Variants in RNF13 observed in about 807,000 individuals in gnomAD.
RNF13 encodes the protein ring finger protein 13.
RNF13 carries 19 observed loss-of-function variants against 37.7 expected under a neutral mutation model. The ratio of observed to expected loss-of-function variants is 0.50; its 90% CI spans 0.35 to 0.74. The LOEUF (loss-of-function observed/expected upper bound fraction) is 0.74, where lower values mean the gene tolerates loss of function less well. Among genes scored for constraint, RNF13 ranks in the 30% least tolerant of loss-of-function variants. The pLI is 0.01. For synonymous variants in RNF13, 144 were observed against 157.8 expected (o/e 0.91, Z 0.65); for missense variants, 375 against 453.0 (o/e 0.83, Z 1.56).
chr3:149,911,883 A>G (rs1039820328), intron 6 of RNF13, 95 bp from the exon 7 acceptor site: 6 of 716,014 alleles, frequency 8.4e-6, no homozygotes, highest in Non-Finnish European at 1.3e-5. Flanking sequence ...TAATGTCTAT[A>G]TGTCTGTTTT....
intron 5 of RNF13, among the ~76,000 whole-genome samples, chr3:149,896,005 A>C (rs776784352): frequency 3.3e-5 from 5 of 152,086 alleles, no homozygotes; most frequent in African/African-American, 9.7e-5. Context: ...ATACATTGGT[A>C]TGTTCATAGT....
intron 4 of RNF13, among the ~76,000 whole-genome samples, chr3:149,894,428 A>G (rs764247826): frequency 6.6e-6 from 1 of 152,184 alleles, no homozygotes; most frequent in African/African-American, 2.4e-5. Flanking sequence ...GCCCTTTGGA[A>G]CATGACTCAG....
chr3:149,850,383 A>G (rs1723022986), intron 2 of RNF13, among the ~76,000 whole-genome samples: 1 of 152,202 alleles, frequency 6.6e-6, no homozygotes, highest in Admixed American at 6.5e-5. Context: ...AGTCTTGTTC[A>G]CTGTAGGAAC....
intron 3 of RNF13, among the ~76,000 whole-genome samples, chr3:149,870,458 TG>T (rs1023233826): frequency 7.9e-5 from 12 of 151,756 alleles, no homozygotes; most frequent in Non-Finnish European, 8.8e-5. Context: ...TCTTTTTCTA[TG>T]GGGGGAGTCA....
intron 3 of RNF13, among the ~76,000 whole-genome samples, chr3:149,855,576 ATG>A (rs1409793792): frequency 1.3e-5 from 2 of 150,884 alleles, no homozygotes; most frequent in African/African-American, 2.4e-5. Context: ...ATACGTATAT[ATG>A]TGTATATATA....
At chr3:149,879,815 G>A (rs1402648358) in intron 4 of RNF13, among the ~76,000 whole-genome samples, 2 of 152,148 alleles carry the variant, frequency 1.3e-5, no homozygotes, top group African/African-American at 4.8e-5. Flanking sequence ...CAAAGGGAAA[G>A]TCTCTTTGTA....
chr3:149,960,807 A>G lies in RNF13; in HGVS notation c.849A>G (p.Gln283=). 6.2e-7 allele frequency: 1 copy of G among 1,614,194 alleles called. No individual in the cohort carries two copies. The highest frequency in any genetic ancestry group is 1.6e-4 in the Middle Eastern group (1 of 6,062). ...AAAAAACCTGTCCAGTGTGCAAGCA[A>G]AAAGTTGTTCCTTCTCAAGGCGATT... The part of the protein sequence containing the change: ...KTKKTCPVCK[Q]KVVPSQGDSD... Residue 283 remains glutamine, a synonymous_variant, in exon 10 of 10, where the codon CAA becomes CAG. Coordinates refer to ENST00000392894, the MANE Select transcript of RNF13 (RefSeq NM_183381.3).
intron 6 of RNF13, among the ~76,000 whole-genome samples, chr3:149,911,250 G>A (rs1716968426): frequency 6.6e-6 from 1 of 152,156 alleles, no homozygotes; most frequent in Non-Finnish European, 1.5e-5. Flanking sequence ...TTTTCCATAG[G>A]AAGAACTTAT....
At chr3:149,905,944 T>G (rs1439365375) in intron 6 of RNF13, among the ~76,000 whole-genome samples, 1 of 152,218 alleles carries the variant, frequency 6.6e-6, no homozygotes, top group South Asian at 2.1e-4. Flanking sequence ...TTTTTCAATA[T>G]TCCAAGTAGA....
intron 1 of RNF13, among the ~76,000 whole-genome samples, chr3:149,842,020 T>C (rs1328277659): frequency 6.6e-6 from 1 of 152,184 alleles, no homozygotes; most frequent in East Asian, 1.9e-4. Context: ...TCCCCCCACA[T>C]TCATTTTAAA....
At chr3:149,923,508 TG>T (rs1172847260) in intron 8 of RNF13, among the ~76,000 whole-genome samples, 3 of 152,148 alleles carry the variant, frequency 2.0e-5, no homozygotes, top group African/African-American at 7.2e-5. Context: ...GGCTCACACC[TG>T]TAATCCCAGC....
chr3:149,847,089 A>C (rs1722713708), intron 2 of RNF13, among the ~76,000 whole-genome samples: 1 of 152,178 alleles, frequency 6.6e-6, no homozygotes. Flanking sequence ...AGTGATATGC[A>C]TTCAGTACGC....
intron 4 of RNF13, among the ~76,000 whole-genome samples, chr3:149,877,493 G>GTTTTTTTTTTTTTTTTTTTTTTT (rs1712879241): frequency 2.8e-5 from 1 of 35,956 alleles, no homozygotes; most frequent in Non-Finnish European, 6.2e-5. Flanking sequence ...TTTTTTTTTT[G>GTTTTTTTTTTTTTTTTTTTTTTT]GTGATTTTTT....
Position 149,835,336 on chromosome 3 carries a change from G to A in RNF13, c.-16-10675G>A, listed in dbSNP as rs891804952. On this transcript the variant is annotated intron_variant, in intron 1 of 9. Transcript: ENST00000392894. ...TTCCATAGGTTTTTGGGGAACAGGTGGTATTTGGTTACATGAGTAAGTTCT... is the reference window on the plus strand; with the variant it reads ...TTCCATAGGTTTTTGGGGAACAGGTAGTATTTGGTTACATGAGTAAGTTCT... 2.0e-5 allele frequency among the ~76,000 whole-genome samples: 3 copies of A among 152,088 alleles called. No individual in the cohort carries two copies. In the East Asian group the frequency reaches 5.8e-4, roughly 29 times the overall value.
chr3:149,940,201 T>C (rs1720113433), intron 8 of RNF13, among the ~76,000 whole-genome samples: 2 of 152,156 alleles, frequency 1.3e-5, no homozygotes, highest in Non-Finnish European at 2.9e-5. Flanking sequence ...TATTTTCTTT[T>C]TTAGTGGTTG....
At chr3:149,863,986 G>C (rs1559914800) in intron 3 of RNF13, among the ~76,000 whole-genome samples, 1 of 142,460 alleles carries the variant, frequency 7.0e-6, no homozygotes, top group Non-Finnish European at 1.5e-5. Context: ...GCATGTAGCT[G>C]GAATGGCAAT....
At chr3:149,827,218 G>A (rs542322984) in intron 1 of RNF13, among the ~76,000 whole-genome samples, 1 of 152,182 alleles carries the variant, frequency 6.6e-6, no homozygotes, top group South Asian at 2.1e-4. Context: ...TATTTACATA[G>A]CATTTACACT....
chr3:149,854,449 A>G (rs940620606), intron 3 of RNF13, among the ~76,000 whole-genome samples: 2 of 152,190 alleles, frequency 1.3e-5, no homozygotes, highest in African/African-American at 4.8e-5. Context: ...AAACTTATGA[A>G]CATGTATAAT....
At chr3:149,896,887 A>G (rs1276726351) in intron 5 of RNF13, among the ~76,000 whole-genome samples, 1 of 152,130 alleles carries the variant, frequency 6.6e-6, no homozygotes, top group African/African-American at 2.4e-5. Context: ...TATTATTTTA[A>G]CCTCCTAGCT....
Sources: gnomAD v4.1 joint callset for allele counts (sites outside exome capture counted in the v4.1 genomes callset) on GRCh38, gnomAD v4.1.1 for gene constraint, MANE v1.5 for transcripts, NCBI Gene and HGNC (gene_info 2026-07-23, HGNC 2026-07-21) for gene names.